The following DHX15 variants were observed in gnomAD, a reference collection of about 807,000 sequenced individuals.
DHX15 encodes DEAH-box helicase 15, also known as ATP-dependent RNA helicase DHX15.
Under a neutral mutation model 94.4 loss-of-function variants are expected in DHX15, and 11 were observed. That is an observed-to-expected ratio of 0.12 (90% CI 0.07 to 0.19). The LOEUF (loss-of-function observed/expected upper bound fraction) is 0.19, where lower values mean the gene tolerates loss of function less well. Ranked by LOEUF, DHX15 falls within the 10% of genes least tolerant of loss-of-function variation. The pLI is 1.00. For synonymous variants in DHX15, 338 were observed against 329.9 expected (o/e 1.02, Z -0.27); for missense variants, 304 against 988.5 (o/e 0.31, Z 9.29).
At chr4:24,571,694 C>T (rs1454382427) in intron 2 of DHX15, among the ~76,000 whole-genome samples, 1 of 152,188 alleles carries the variant, frequency 6.6e-6, no homozygotes, top group East Asian at 1.9e-4. Context: ...AAACGCCTAT[C>T]AAACTCTAAT....
intron 4 of DHX15, 36 bp from the exon 5 acceptor site, chr4:24,554,979 C>T: frequency 6.5e-7 from 1 of 1,537,496 alleles, no homozygotes; most frequent in Non-Finnish European, 9.0e-7. Flanking sequence ...AAGCTGTCTT[C>T]AAGGATTCTT....
At chr4:24,579,023 C>T (rs1722346423) in intron 1 of DHX15, among the ~76,000 whole-genome samples, 2 of 151,986 alleles carry the variant, frequency 1.3e-5, no homozygotes, top group Non-Finnish European at 1.5e-5. Context: ...TTTTCAGGGG[C>T]CCACTTCATC....
intron 12 of DHX15, among the ~76,000 whole-genome samples, chr4:24,531,431 ACCCAGGCCTGGTGGCT>A (rs1189128611): frequency 6.6e-6 from 1 of 151,468 alleles, no homozygotes; most frequent in Non-Finnish European, 1.5e-5. Flanking sequence ...GAACATGTCA[ACCCAGGCCTGGTGGCT>A]CACGTCTGTA....
At chr4:24,556,523 C>T in intron 3 of DHX15, 113 bp from the exon 4 acceptor site, 2 of 877,346 alleles carry the variant, frequency 2.3e-6, no homozygotes, top group Non-Finnish European at 3.4e-6. Context: ...AAACTTCTGC[C>T]CCAAACAAAT....
At chr4:24,572,611 T>C (rs1722148635) in intron 2 of DHX15, among the ~76,000 whole-genome samples, 1 of 152,030 alleles carries the variant, frequency 6.6e-6, no homozygotes, top group Non-Finnish European at 1.5e-5. Flanking sequence ...AACTGAAAAA[T>C]TGCTAAAATA....
At chr4:24,541,587 A>G (rs761647570) in intron 8 of DHX15, among the ~76,000 whole-genome samples, 3 of 152,146 alleles carry the variant, frequency 2.0e-5, no homozygotes, top group South Asian at 2.1e-4. Context: ...TGCATCTTCT[A>G]TCAGTGAAAT....
intron 10 of DHX15, chr4:24,538,847 G>T (rs927961273): frequency 6.6e-6 from 1 of 152,096 alleles, no homozygotes; most frequent in Non-Finnish European, 1.5e-5. Flanking sequence ...CAGTAATCAT[G>T]TAAGTATATC....
Position 24,556,404 on chromosome 4 carries a change from C to A in DHX15, c.708G>T (p.Met236Ile). 1.2e-6 allele frequency: 2 copies of A among 1,611,978 alleles called. No individual in the cohort carries two copies. The highest frequency in any genetic ancestry group is 2.2e-5 in the South Asian group (2 of 90,592). The change falls in exon 4 of 14, where the codon ATG (methionine) becomes ATT (isoleucine). Residue 236 changes from methionine (M) to isoleucine (I), a missense_variant. Physicochemically the swap from Met to Ile is conservative, Grantham distance 10 (BLOSUM62 1). Coordinates refer to ENST00000336812, the MANE Select transcript of DHX15 (RefSeq NM_001358.3). ...CSSAKTILKYMTDGMLLREAM... is the reference protein window; with the variant it reads ...CSSAKTILKYITDGMLLREAM... The stretch of plus-strand genomic sequence containing the variant: ...CTTCACGAAGTAACATCCCATCAGT[C>A]ATATACCTATATTCCAAAGAACATG...
intron 11 of DHX15, among the ~76,000 whole-genome samples, chr4:24,535,676 C>T (rs1345362765): frequency 6.6e-6 from 1 of 152,126 alleles, no homozygotes; most frequent in African/African-American, 2.4e-5. Context: ...CTTTTCAACT[C>T]ATATCAGGGT....
At chr4:24,582,931 C>A (rs1437955272) in intron 1 of DHX15, among the ~76,000 whole-genome samples, 1 of 152,208 alleles carries the variant, frequency 6.6e-6, no homozygotes, top group Non-Finnish European at 1.5e-5. Flanking sequence ...AACTAAATAA[C>A]TCACAAAATT....
intron 3 of DHX15, among the ~76,000 whole-genome samples, chr4:24,568,404 T>C (rs1722043442): frequency 6.6e-6 from 1 of 152,220 alleles, no homozygotes; most frequent in East Asian, 1.9e-4. Context: ...GGTTAGCTCC[T>C]AGAAGAAACC....
intron 3 of DHX15, among the ~76,000 whole-genome samples, chr4:24,566,547 C>A (rs183013812): frequency 6.6e-6 from 1 of 151,934 alleles, no homozygotes; most frequent in Admixed American, 6.6e-5. Flanking sequence ...ACTTCCTGGC[C>A]GGGAGCAGTG....
chr4:24,570,575 G>T, intron 3 of DHX15, 79 bp downstream of exon 3: 1 of 1,324,680 alleles, frequency 7.5e-7, no homozygotes, highest in Non-Finnish European at 1.1e-6. Flanking sequence ...ACATAAGCCT[G>T]CACTAGCAAA....
rs1721737985 is a variant in DHX15 at position 24,556,353 on chromosome 4, A to G, written c.759T>C (p.Arg253=). 6.2e-7 allele frequency: 1 copy of G among 1,613,696 alleles called. No homozygotes were observed. Among genetic ancestry groups the G allele is most frequent in the Non-Finnish European group, 8.5e-7 (1 of 1,179,684 alleles). The change falls in exon 4 of 14, where the codon CGT becomes CGC. Residue 253 remains arginine (R), a synonymous_variant. Transcript: ENST00000336812. The stretch of plus-strand genomic sequence containing the variant: ...CCTCATCAAGAATTATTACACCATA[A>G]CGCTCCAGGAGGGGATCATTCATAG... ...REAMNDPLLE[R]YGVIILDEAH...
rs768968970 is a variant in DHX15 at position 24,539,999 on chromosome 4, C to T, written c.1786+109G>A. The T allele has an allele frequency of 4.3e-4, 316 of 739,508 alleles. 1 individual carries two copies. Among genetic ancestry groups the T allele is most frequent in the Non-Finnish European group, 5.8e-4 (282 of 485,982 alleles). 45.8% of individuals were successfully genotyped at this position (739,508 alleles called of 1,614,324 possible). On this transcript the variant is annotated intron_variant, in intron 10 of 13. Transcript: ENST00000336812. ...AGAAAACAAAATTAATTCCTTAAAA[C>T]CATCTATAAAATCCACTATCATACT...
At chr4:24,540,752 A>C (rs529999196) in intron 9 of DHX15, 88 bp downstream of exon 9, 1 of 701,310 alleles carries the variant, frequency 1.4e-6, no homozygotes, top group African/African-American at 1.8e-5. Context: ...AAATGTATTT[A>C]ATACATATAT....
At chr4:24,573,767 C>A (rs1284740995) in intron 2 of DHX15, among the ~76,000 whole-genome samples, 1 of 152,198 alleles carries the variant, frequency 6.6e-6, no homozygotes, top group Non-Finnish European at 1.5e-5. Flanking sequence ...CAGAGCATAC[C>A]TGCATTCCCT....
chr4:24,550,160 A>G (rs950606662), intron 5 of DHX15, among the ~76,000 whole-genome samples: 1 of 148,638 alleles, frequency 6.7e-6, no homozygotes, highest in African/African-American at 2.5e-5. Flanking sequence ...GGCATCTGCC[A>G]TGAAAGAAGT....
chr4:24,551,925 A>C (rs1721615868), intron 5 of DHX15, among the ~76,000 whole-genome samples: 2 of 152,246 alleles, frequency 1.3e-5, no homozygotes, highest in Non-Finnish European at 2.9e-5. Context: ...ACTGGAGATT[A>C]GACTACCCAA....
Sources: allele counts gnomAD v4.1 joint callset (sites outside exome capture counted in the v4.1 genomes callset), GRCh38; gene constraint gnomAD v4.1.1; transcripts MANE v1.5; gene names NCBI Gene and HGNC (gene_info 2026-07-23, HGNC 2026-07-21).